The following PVALB variants were observed in gnomAD, a reference collection of about 807,000 sequenced individuals.
PVALB encodes parvalbumin alpha.
PVALB carries 11 observed loss-of-function variants against 10.9 expected under a neutral mutation model. That is an observed-to-expected ratio of 1.01 (90% CI 0.63 to 1.67). PVALB has a LOEUF of 1.67. Among genes scored for constraint, PVALB ranks in the 40% most tolerant of loss-of-function variants. The pLI is 0.00. For synonymous variants in PVALB, 57 were observed against 50.7 expected, an observed-to-expected ratio of 1.12 and a Z score of -0.53; for missense variants, 131 against 136.2, an observed-to-expected ratio of 0.96 and a Z score of 0.19.
upstream of PVALB, chr22:36,817,298 G>T (rs1939160146): frequency 3.6e-6 from 1 of 276,234 alleles, no homozygotes; most frequent in Admixed American, 5.4e-5. Context: ...ACGAGGGAAG[G>T]GGCCACCTCT....
In PVALB at chr22:36,800,777, G is replaced by A; in HGVS notation, c.*113C>T. 2 of 1,175,296 alleles carry A rather than the reference G, an allele frequency of 1.7e-6. No individual in the cohort carries two copies. The highest frequency in any genetic ancestry group is 2.6e-6 in the Non-Finnish European group (2 of 781,444). 72.8% of individuals were successfully genotyped at this position (1,175,296 alleles called of 1,614,324 possible). A position where few individuals can be genotyped will look rare whatever the true frequency, so the allele number is the denominator to read the frequency against. Reference sequence around the variant, plus strand: ...GTCATTAGAGGGCCACAGGGGATGGGGGAGTAAAAAATAACATAAACGAAC... The same window carrying A: ...GTCATTAGAGGGCCACAGGGGATGGAGGAGTAAAAAATAACATAAACGAAC... On this transcript the variant is annotated 3_prime_UTR_variant, in exon 4 of 4. Transcript: ENST00000417718.
At chr22:36,810,477 G>A (rs1405161027) in intron 3 of PVALB, among the ~76,000 whole-genome samples, 1 of 152,214 alleles carries the variant, frequency 6.6e-6, no homozygotes, top group African/African-American at 2.4e-5. Flanking sequence ...AGCATGAAGT[G>A]TGGGGCCCCA....
At chr22:36,816,853 GGGAGGATCCGCCGGCTGCGGGGCCGGC>G in intron 1 of PVALB, 65 bp downstream of exon 1, 1 of 1,165,490 alleles carries the variant, frequency 8.6e-7, no homozygotes. Flanking sequence ...AAGCGCGCTG[GGGAGGATCCGCCGGCTGCGGGGCCGGC>G]GGAGTGCAGG....
Position 36,815,099 on chromosome 22 carries a change from T to C in PVALB, c.194+4A>G. 1 of 1,614,024 alleles carries C rather than the reference T, an allele frequency of 6.2e-7. No homozygotes were observed. The highest frequency in any genetic ancestry group is 2.2e-5 in the East Asian group (1 of 44,848). ...CTGGGCAGCCCCTGCAGGCCTCCGC[T>C]TACCCCAGCTCATCCTCCTCGATGA... On this transcript the variant is annotated splice_donor_region_variant and intron_variant, in intron 2 of 3. Coordinates refer to ENST00000417718, the MANE Select transcript of PVALB (RefSeq NM_001315532.2).
chr22:36,809,389 G>A (rs1272231935), intron 3 of PVALB, among the ~76,000 whole-genome samples: 1 of 152,140 alleles, frequency 6.6e-6, no homozygotes, highest in Non-Finnish European at 1.5e-5. Flanking sequence ...TCTTAGTGGA[G>A]GAGAAAGAAA....
At chr22:36,801,348 G>C (rs759875349) in intron 3 of PVALB, among the ~76,000 whole-genome samples, 2 of 152,116 alleles carry the variant, frequency 1.3e-5, no homozygotes, top group Non-Finnish European at 2.9e-5. Context: ...TGAGGCTCAG[G>C]GTCCTGATTT....
chr22:36,813,414 A>G (rs1939077949), intron 3 of PVALB: 1 of 501,296 alleles, frequency 2.0e-6, no homozygotes, highest in Non-Finnish European at 3.6e-6. Flanking sequence ...CCAGCAGGAA[A>G]AACAGAATCT....
intron 1 of PVALB, among the ~76,000 whole-genome samples, chr22:36,815,805 G>A (rs1939130143): frequency 6.6e-6 from 1 of 152,146 alleles, no homozygotes; most frequent in Admixed American, 6.5e-5. Flanking sequence ...GCAGTGGGAA[G>A]GGGGTGTTAG....
chr22:36,815,333 C>T lies in PVALB; in HGVS notation c.62-98G>A, dbSNP rs954347205. On this transcript the variant is annotated intron_variant, in intron 1 of 3. Coordinates refer to ENST00000417718, the MANE Select transcript of PVALB (RefSeq NM_001315532.2). ...CAAGGCATTTGTTGATGGATTCCCA[C>T]ATGCCAGTCATGGGGAATGAGAGGT... 3.4e-6 allele frequency: 5 copies of T among 1,478,124 alleles called. No homozygotes were observed. The African/African-American group carries it at 6.9e-5, about 21-fold the overall frequency. 91.6% of individuals were successfully genotyped at this position (1,478,124 alleles called of 1,614,324 possible).
chr22:36,802,586 T>G (rs1601517398), intron 3 of PVALB, among the ~76,000 whole-genome samples: 1 of 101,780 alleles, frequency 9.8e-6, no homozygotes, highest in African/African-American at 4.0e-5. Flanking sequence ...GGTAACAGAG[T>G]GAGACTCCAT....
At chr22:36,815,596 T>G (rs954157006) in intron 1 of PVALB, among the ~76,000 whole-genome samples, 2 of 151,918 alleles carry the variant, frequency 1.3e-5, no homozygotes, top group African/African-American at 4.8e-5. Flanking sequence ...GCCAGCTGGT[T>G]GGGAGTGGGC....
At chr22:36,816,308 G>C (rs1207598487) in intron 1 of PVALB, 2 of 152,490 alleles carry the variant, frequency 1.3e-5, no homozygotes, top group Non-Finnish European at 2.9e-5. Context: ...GTCCCGGGCA[G>C]CTGGGAGAGG....
chr22:36,810,014 A>G (rs1439982917), intron 3 of PVALB, among the ~76,000 whole-genome samples: 3 of 152,020 alleles, frequency 2.0e-5, no homozygotes, highest in South Asian at 2.1e-4. Context: ...CCTCTTGAGT[A>G]GCTGGGATTA....
At chr22:36,805,320 G>T (rs140748258) in intron 3 of PVALB, among the ~76,000 whole-genome samples, 41 of 152,276 alleles carry the variant, frequency 2.7e-4, no homozygotes, top group African/African-American at 9.6e-4. Context: ...CAGCACTAAA[G>T]CTCTCGGTCA....
At chr22:36,802,783 C>T (rs1569089709) in intron 3 of PVALB, among the ~76,000 whole-genome samples, 2 of 152,042 alleles carry the variant, frequency 1.3e-5, no homozygotes, top group African/African-American at 4.8e-5. Flanking sequence ...ATGGGGGATG[C>T]AGGGTGGGAG....
intron 3 of PVALB, among the ~76,000 whole-genome samples, chr22:36,812,034 A>C (rs1478285728): frequency 6.8e-6 from 1 of 148,146 alleles, no homozygotes; most frequent in Non-Finnish European, 1.5e-5. Context: ...CAACAACAAC[A>C]AAAAAAACCC....
chr22:36,808,037 G>A (rs547265022), intron 3 of PVALB, among the ~76,000 whole-genome samples: 4 of 152,308 alleles, frequency 2.6e-5, no homozygotes, highest in Admixed American at 1.3e-4. Context: ...TGGATCCATC[G>A]CCGGGAATGG....
intron 3 of PVALB, among the ~76,000 whole-genome samples, chr22:36,803,331 A>G (rs1938897818): frequency 1.3e-5 from 2 of 152,172 alleles, no homozygotes; most frequent in Non-Finnish European, 1.5e-5. Context: ...TATTTACTTC[A>G]TAGTCCTTGG....
At chr22:36,801,669 G>A (rs1447240214) in intron 3 of PVALB, among the ~76,000 whole-genome samples, 9 of 152,110 alleles carry the variant, frequency 5.9e-5, no homozygotes, top group Non-Finnish European at 8.8e-5. Flanking sequence ...GTGTGGTGGC[G>A]GACGCCTGTA....
Sources: allele counts gnomAD v4.1 joint callset (sites outside exome capture counted in the v4.1 genomes callset), GRCh38; gene constraint gnomAD v4.1.1; transcripts MANE v1.5; gene names NCBI Gene and HGNC (gene_info 2026-07-23, HGNC 2026-07-21).